The following CEP162 variants were observed in gnomAD, a reference collection of about 807,000 sequenced individuals.
CEP162 encodes centrosomal protein 162.
A neutral mutation model predicts 169.2 loss-of-function variants in CEP162; 141 were observed. The ratio of observed to expected loss-of-function variants is 0.83; its 90% CI spans 0.73 to 0.96. CEP162 has a LOEUF of 0.96. Ranked by LOEUF, CEP162 falls within the 40% of genes least tolerant of loss-of-function variation. The probability of loss-of-function intolerance (pLI) is 0.00; values close to 1 mark genes in which losing one functional copy is unlikely to be tolerated. For missense variants in CEP162, 1,600 were observed against 1,587.2 expected (o/e 1.01, Z -0.14); for synonymous variants, 540 against 526.4 (o/e 1.03, Z -0.35).
intron 12 of CEP162, 132 bp downstream of exon 12, chr6:84,186,200 A>C: frequency 1.9e-6 from 1 of 540,500 alleles, no homozygotes; most frequent in South Asian, 3.1e-5. Flanking sequence ...ACAAATATCC[A>C]AGATCTACTG....
chr6:84,137,178 CTG>C (rs1183225772), intron 25 of CEP162, among the ~76,000 whole-genome samples: 2 of 152,222 alleles, frequency 1.3e-5, no homozygotes, highest in Non-Finnish European at 2.9e-5. Flanking sequence ...ATATGAACTG[CTG>C]TGAGAATGAC....
In CEP162 at chr6:84,194,312, G is replaced by C. The variant is rs1030275493; in HGVS notation, c.1027+572C>G. Among the ~76,000 whole-genome samples, 4 of 148,150 alleles carry C rather than the reference G, an allele frequency of 2.7e-5. No homozygotes were observed. The Admixed American group carries it at 2.8e-4, about 10-fold the overall frequency. ...GGAGGCTGCTGTGAGCCGAGATCGTGCCATTGCACTCCAGCCTGGGCGACA... is the reference window on the plus strand; with the variant it reads ...GGAGGCTGCTGTGAGCCGAGATCGTCCCATTGCACTCCAGCCTGGGCGACA... On this transcript the variant is annotated intron_variant, in intron 10 of 26. Transcript: ENST00000403245.
chr6:84,143,123 T>C (rs2099517369), intron 25 of CEP162, among the ~76,000 whole-genome samples: 1 of 152,100 alleles, frequency 6.6e-6, no homozygotes, highest in East Asian at 1.9e-4. Flanking sequence ...AAATAATAAA[T>C]AGTCACTGAA....
At chr6:84,178,961 G>A (rs972387540) in intron 13 of CEP162, among the ~76,000 whole-genome samples, 1 of 151,976 alleles carries the variant, frequency 6.6e-6, no homozygotes, top group Admixed American at 6.6e-5. Flanking sequence ...GTTTCCAGCT[G>A]CATCCATGTC....
intron 17 of CEP162, among the ~76,000 whole-genome samples, chr6:84,169,815 T>A (rs1041219235): frequency 1.1e-4 from 16 of 152,196 alleles, no homozygotes; most frequent in African/African-American, 3.4e-4. Context: ...GCCAGTCTCA[T>A]ACATGGAAAC....
At chr6:84,206,361 C>A (rs1303124881) in intron 6 of CEP162, among the ~76,000 whole-genome samples, 1 of 151,884 alleles carries the variant, frequency 6.6e-6, no homozygotes. Context: ...GGTACTGGTA[C>A]CAAAACAGAG....
chr6:84,158,882 A>T (rs1425939867), intron 21 of CEP162, among the ~76,000 whole-genome samples: 1 of 151,780 alleles, frequency 6.6e-6, no homozygotes. Context: ...TTTTAATATT[A>T]TTCTTTGGTC....
chr6:84,125,610 C>T (rs1365556215), intron 26 of CEP162, among the ~76,000 whole-genome samples: 9 of 152,014 alleles, frequency 5.9e-5, no homozygotes, highest in Non-Finnish European at 5.9e-5. Flanking sequence ...CTAGAGACAC[C>T]GAAGAGATCA....
intron 24 of CEP162, among the ~76,000 whole-genome samples, chr6:84,148,463 A>C (rs1298807433): frequency 6.6e-6 from 1 of 152,174 alleles, no homozygotes; most frequent in East Asian, 1.9e-4. Context: ...TGGGAGGCAG[A>C]GGTTGCAGTG....
chr6:84,209,946 GA>G (rs1264707099), intron 6 of CEP162, among the ~76,000 whole-genome samples: 1 of 152,020 alleles, frequency 6.6e-6, no homozygotes, highest in Non-Finnish European at 1.5e-5. Flanking sequence ...GAGAAACAAA[GA>G]AAAGGAAAAC....
intron 13 of CEP162, among the ~76,000 whole-genome samples, chr6:84,176,611 T>A (rs922361723): frequency 2.6e-5 from 4 of 152,214 alleles, no homozygotes; most frequent in Admixed American, 6.5e-5. Context: ...AGGGTCAACA[T>A]GACGCTCATA....
chr6:84,131,670 T>G (rs1283734497), intron 25 of CEP162, among the ~76,000 whole-genome samples: 1 of 151,086 alleles, frequency 6.6e-6, no homozygotes, highest in Non-Finnish European at 1.5e-5. Flanking sequence ...CGCTGCTTTT[T>G]TTTTGTTTTG....
At chr6:84,226,304 T>C in intron 2 of CEP162, 33 bp downstream of exon 2, 2 of 1,393,328 alleles carry the variant, frequency 1.4e-6, no homozygotes, top group Non-Finnish European at 2.0e-6. Context: ...TGAGACAAAT[T>C]TGACAATATA....
At chr6:84,126,787 ACTTT>A (rs753816087) in intron 25 of CEP162, among the ~76,000 whole-genome samples, 63 of 152,258 alleles carry the variant, frequency 4.1e-4, no homozygotes, top group Non-Finnish European at 7.4e-4. Flanking sequence ...TGAAGTTGGC[ACTTT>A]CTTTAATGCA....
At chr6:84,171,102 C>G (rs575760071) in intron 17 of CEP162, among the ~76,000 whole-genome samples, 6 of 152,260 alleles carry the variant, frequency 3.9e-5, no homozygotes, top group East Asian at 1.9e-4. Context: ...TTGCCCTCCC[C>G]CTACCTCACC....
Position 84,142,459 on chromosome 6 carries a change from C to T in CEP162, c.3870+4228G>A, listed in dbSNP as rs188180470. ...TTTTTCTACCTTTGGACGGTATTGTCAAAAGTAATTCATAAAAGAGCACTA... is the reference window on the plus strand; with the variant it reads ...TTTTTCTACCTTTGGACGGTATTGTTAAAAGTAATTCATAAAAGAGCACTA... On this transcript the variant is annotated intron_variant, in intron 25 of 26. Transcript: ENST00000403245. Among the ~76,000 whole-genome samples, 39 of 151,920 alleles carry T rather than the reference C, an allele frequency of 2.6e-4. No homozygotes were observed. The East Asian group carries it at 5.0e-3, about 20-fold the overall frequency.
Position 84,197,174 on chromosome 6 carries a change from T to C in CEP162, c.836-2099A>G, listed in dbSNP as rs190365665. Among the ~76,000 whole-genome samples the C allele has an allele frequency of 2.6e-5, 4 of 151,114 alleles. No individual in the cohort carries two copies. In the East Asian group the frequency reaches 7.9e-4, roughly 30 times the overall value. ...AGTAGGTATGAGGTGTCAGAAAGAATAGATTCTAGGCTTTTAAGCAATAAC... is the reference window on the plus strand; with the variant it reads ...AGTAGGTATGAGGTGTCAGAAAGAACAGATTCTAGGCTTTTAAGCAATAAC... On this transcript the variant is annotated intron_variant, in intron 9 of 26. Coordinates refer to ENST00000403245, the MANE Select transcript of CEP162 (RefSeq NM_014895.4).
At chr6:84,149,204 T>G (rs1319752201) in intron 24 of CEP162, among the ~76,000 whole-genome samples, 1 of 152,138 alleles carries the variant, frequency 6.6e-6, no homozygotes, top group Non-Finnish European at 1.5e-5. Context: ...ACTTGGGGAC[T>G]CGGTTCAACA....
At chr6:84,154,315 T>TCTAC (rs1196835431) in intron 22 of CEP162, among the ~76,000 whole-genome samples, 8 of 137,054 alleles carry the variant, frequency 5.8e-5, no homozygotes, top group African/African-American at 2.8e-4. Context: ...ATCAGGGATA[T>TCTAC]CTATCTATCT....
Sources: gnomAD v4.1 joint callset for allele counts (sites outside exome capture counted in the v4.1 genomes callset) on GRCh38, gnomAD v4.1.1 for gene constraint, MANE v1.5 for transcripts, NCBI Gene and HGNC (gene_info 2026-07-23, HGNC 2026-07-21) for gene names.